OLFM3: variants seen among roughly 807,000 people sequenced by gnomAD.
OLFM3 encodes olfactomedin 3, also known as noelin-3.
In OLFM3, 20 loss-of-function variants were observed where a neutral mutation model predicts 48.6. The ratio of observed to expected loss-of-function variants is 0.41; its 90% confidence interval spans 0.29 to 0.60. The LOEUF is 0.60. OLFM3 is among the 20% of genes least tolerant of loss of function. The pLI is 0.28. For synonymous variants in OLFM3, 222 were observed against 198.1 expected (o/e 1.12, Z -1.01); for missense variants, 437 against 544.3 (o/e 0.80, Z 1.96).
rs376954456 is a variant in OLFM3 at position 101,804,850 on chromosome 1, A to G, written c.765T>C (p.Phe255=). 6.2e-6 allele frequency: 10 copies of G among 1,612,330 alleles called. No individual in the cohort carries two copies. The African/African-American group carries it at 1.3e-4, about 22-fold the overall frequency. The part of the protein sequence containing the change: ...IVREYKSIAD[F]VSGAESRTYN... ...ATGTCCTTGATTCAGCCCCACTGAC[A>G]AAGTCTGCAATTGATTTGTATTCAC... Residue 255 remains phenylalanine, a synonymous_variant, in exon 6 of 6, where the codon TTT becomes TTC. Coordinates refer to ENST00000370103, the MANE Select transcript of OLFM3 (RefSeq NM_058170.4). The surrounding 1 kb of genome is among the most constrained non-coding windows in gnomAD (Gnocchi z 4.5).
chr1:101,930,930 A>G (rs1659426230), intron 1 of OLFM3, among the ~76,000 whole-genome samples: 1 of 152,334 alleles, frequency 6.6e-6, no homozygotes, highest in East Asian at 1.9e-4. Context: ...AATCATTTAC[A>G]TCAATGGGAA....
chr1:101,851,856 G>A (rs2100949345), intron 1 of OLFM3, among the ~76,000 whole-genome samples: 1 of 152,214 alleles, frequency 6.6e-6, no homozygotes, highest in Non-Finnish European at 1.5e-5. Flanking sequence ...GGACAATCAT[G>A]CATAAGAATT....
intron 1 of OLFM3, among the ~76,000 whole-genome samples, chr1:101,903,427 G>T (rs1001369839): frequency 2.0e-5 from 3 of 152,074 alleles, no homozygotes; most frequent in Non-Finnish European, 2.9e-5. Flanking sequence ...CTGAGAGAAA[G>T]ATTTAATACC....
At chr1:101,936,081 T>C (rs911858921) in intron 1 of OLFM3, among the ~76,000 whole-genome samples, 1 of 152,090 alleles carries the variant, frequency 6.6e-6, no homozygotes, top group African/African-American at 2.4e-5. Context: ...AGGCCCACTC[T>C]AACCACTCCT....
chr1:101,900,032 G>T (rs899693464), intron 1 of OLFM3, among the ~76,000 whole-genome samples: 1 of 152,134 alleles, frequency 6.6e-6, no homozygotes, highest in Non-Finnish European at 1.5e-5. Context: ...GAAATTACAA[G>T]ATCTTCACTT....
chr1:101,900,618 A>C (rs1658358378), intron 1 of OLFM3, among the ~76,000 whole-genome samples: 1 of 152,112 alleles, frequency 6.6e-6, no homozygotes, highest in South Asian at 2.1e-4. Context: ...TAAAAAGTGA[A>C]AGAAGTGAAT....
At chr1:101,824,368 C>T (rs993250112) in intron 4 of OLFM3, among the ~76,000 whole-genome samples, 4 of 152,148 alleles carry the variant, frequency 2.6e-5, no homozygotes, top group African/African-American at 7.2e-5. Flanking sequence ...ATGGATATCA[C>T]GAAAGAGTTT....
intron 1 of OLFM3, among the ~76,000 whole-genome samples, chr1:101,842,823 G>T (rs1655794307): frequency 6.6e-6 from 1 of 152,176 alleles, no homozygotes; most frequent in Admixed American, 6.5e-5. Flanking sequence ...TTTTGCTTCA[G>T]GCACTCAAGC....
chr1:101,962,035 T>A (rs1030198495), intron 1 of OLFM3, among the ~76,000 whole-genome samples: 22 of 152,170 alleles, frequency 1.4e-4, no homozygotes, highest in African/African-American at 4.8e-4. Context: ...TTACTCAATT[T>A]TTTTAAGAAC....
At chr1:101,934,126 T>G (rs1291849231) in intron 1 of OLFM3, among the ~76,000 whole-genome samples, 5 of 152,202 alleles carry the variant, frequency 3.3e-5, no homozygotes, top group Non-Finnish European at 7.4e-5. Flanking sequence ...ATATTAACCT[T>G]GAATGCAAAC....
chr1:101,842,971 C>T (rs186128522), intron 1 of OLFM3, among the ~76,000 whole-genome samples: 78 of 152,164 alleles, frequency 5.1e-4, no homozygotes, highest in South Asian at 6.2e-4. Flanking sequence ...TGCCCTATCA[C>T]GAAATGAGCA....
At chr1:101,921,019 T>C (rs1659077644) in intron 1 of OLFM3, among the ~76,000 whole-genome samples, 1 of 152,164 alleles carries the variant, frequency 6.6e-6, no homozygotes, top group Non-Finnish European at 1.5e-5. Context: ...GCCCACCTTC[T>C]CCATAAGCCC....
chr1:101,889,179 G>A (rs1442598192), intron 1 of OLFM3, among the ~76,000 whole-genome samples: 1 of 152,112 alleles, frequency 6.6e-6, no homozygotes, highest in Non-Finnish European at 1.5e-5. Context: ...TATAAATCAT[G>A]CTGCTATAAA....
chr1:101,920,438 G>T (rs970211264), intron 1 of OLFM3, among the ~76,000 whole-genome samples: 8 of 152,166 alleles, frequency 5.3e-5, no homozygotes, highest in Non-Finnish European at 1.0e-4. Flanking sequence ...AGAAATAGAT[G>T]CTGGCACAGT....
At chr1:101,810,742 A>C (rs1054708373) in intron 4 of OLFM3, among the ~76,000 whole-genome samples, 11 of 151,904 alleles carry the variant, frequency 7.2e-5, no homozygotes, top group African/African-American at 2.2e-4. Flanking sequence ...TGTTCTTTAA[A>C]CTTTTAACTC....
intron 1 of OLFM3, chr1:101,846,764 C>A (rs1297804755): frequency 1.9e-6 from 2 of 1,033,788 alleles, no homozygotes; most frequent in South Asian, 2.8e-5. Flanking sequence ...GAAGCAAAAT[C>A]TTAGCCTTTG....
intron 1 of OLFM3, chr1:101,893,512 G>T (rs1274970288): frequency 1.4e-5 from 4 of 287,084 alleles, no homozygotes; most frequent in East Asian, 1.8e-4. Flanking sequence ...CATGATGAAA[G>T]AGACCAAAAA....
intron 2 of OLFM3, among the ~76,000 whole-genome samples, chr1:101,834,355 T>C (rs1655300840): frequency 1.3e-5 from 2 of 152,354 alleles, no homozygotes; most frequent in South Asian, 4.1e-4. Context: ...TAATACAAAA[T>C]ATACTAATAA....
At chr1:101,805,955 G>T in intron 5 of OLFM3, 121 bp downstream of exon 5, 1 of 588,656 alleles carries the variant, frequency 1.7e-6, no homozygotes, top group Non-Finnish European at 2.9e-6. Flanking sequence ...GAAAATATTT[G>T]CAAATTATGT....
Sources: gnomAD v4.1 joint callset for allele counts (sites outside exome capture counted in the v4.1 genomes callset) on GRCh38, gnomAD v4.1.1 for gene constraint, Gnocchi (gnomAD v3.1) non-coding constraint, MANE v1.5 for transcripts, NCBI Gene and HGNC (gene_info 2026-07-23, HGNC 2026-07-21) for gene names.